The following WDCP variants were observed in gnomAD, a reference collection of about 807,000 sequenced individuals.
WDCP encodes WD repeat and coiled coil containing.
A neutral mutation model predicts 41.6 loss-of-function variants in WDCP; 19 were observed. That is an observed-to-expected ratio of 0.46 (90% CI 0.32 to 0.67). The LOEUF is 0.67. Among genes scored for constraint, WDCP ranks in the 30% least tolerant of loss-of-function variants. The pLI is 0.04. For missense variants in WDCP, 802 were observed against 850.7 expected (o/e 0.94, Z 0.71); for synonymous variants, 302 against 320.8 (o/e 0.94, Z 0.63).
At chr2:24,034,760 A>G (rs562824499) in intron 2 of WDCP, among the ~76,000 whole-genome samples, 1 of 152,066 alleles carries the variant, frequency 6.6e-6, no homozygotes, top group South Asian at 2.1e-4. Flanking sequence ...TTTTCGGTAG[A>G]GACAGGGTTT....
In WDCP at chr2:24,030,784, G is replaced by C. The variant is rs1663076251; in HGVS notation, c.*149C>G. 1.1e-5 allele frequency: 7 copies of C among 635,492 alleles called. No individual in the cohort carries two copies. In the South Asian group the frequency reaches 1.4e-4, roughly 13 times the overall value. 39.4% of individuals were successfully genotyped at this position (635,492 alleles called of 1,614,324 possible). On this transcript the variant is annotated 3_prime_UTR_variant, in exon 4 of 4. Coordinates refer to ENST00000295148, the MANE Select transcript of WDCP (RefSeq NM_025203.3). Reference sequence around the variant, plus strand: ...CTACACAGCAGCGAGCCTCAGCTCAGGGGAAACAGGGGGAAACCAGGAGAG... The same window carrying C: ...CTACACAGCAGCGAGCCTCAGCTCACGGGAAACAGGGGGAAACCAGGAGAG...
At position 24,038,305 on chromosome 2, in the gene WDCP, T is replaced by TG; in HGVS notation, c.1189dup (p.Gln397ProfsTer14). 6.2e-7 allele frequency: 1 copy of TG among 1,614,222 alleles called. No homozygotes were observed. Among genetic ancestry groups the TG allele is most frequent in the Non-Finnish European group, 8.5e-7 (1 of 1,180,044 alleles). ...TTTTCCTACCAAAATTAGTAATAGT[T>TG]GGTCTGTCAAGAAACATATCCCTTT... On this transcript the variant is annotated frameshift_variant, in exon 2 of 4. Coordinates refer to ENST00000295148, the MANE Select transcript of WDCP (RefSeq NM_025203.3). LOFTEE classifies it high-confidence loss of function.
intron 1 of WDCP, among the ~76,000 whole-genome samples, chr2:24,041,173 T>A (rs1663417936): frequency 6.6e-6 from 1 of 151,234 alleles, no homozygotes; most frequent in Non-Finnish European, 1.5e-5. Flanking sequence ...ACCCTGTTTC[T>A]AATAATAATA....
chr2:24,031,687 G>A (rs908967492), intron 3 of WDCP, among the ~76,000 whole-genome samples: 8 of 152,080 alleles, frequency 5.3e-5, no homozygotes, highest in African/African-American at 9.7e-5. Context: ...TTAGCCAGGC[G>A]TGGTGGCATG....
Position 24,030,961 on chromosome 2 carries a change from C to T in WDCP, c.2138G>A (p.Cys713Tyr), listed in dbSNP as rs1257257880. The part of the protein sequence containing the change: ...LAAPSLDTTG[C>Y]CNHVDGMA Reference sequence around the variant, plus strand: ...AGCCATGCCATCTACATGGTTACAACAGCCAGTGGTATCTAAACTGGGGGC... The same window carrying T: ...AGCCATGCCATCTACATGGTTACAATAGCCAGTGGTATCTAAACTGGGGGC... The change falls in exon 4 of 4, where the codon TGT becomes TAT. Residue 713 changes from cysteine to tyrosine, a missense_variant. Coordinates refer to ENST00000295148, the MANE Select transcript of WDCP (RefSeq NM_025203.3). 1.2e-6 allele frequency: 2 copies of T among 1,614,164 alleles called. No individual in the cohort carries two copies. Among genetic ancestry groups the T allele is most frequent in the African/African-American group, 2.7e-5 (2 of 75,052 alleles).
Position 24,041,927 on chromosome 2 carries a change from C to G in WDCP, c.-18-2415G>C, listed in dbSNP as rs113650971. On this transcript the variant is annotated intron_variant, in intron 1 of 3. Transcript: ENST00000295148. ...AGAATAAGGACATTATTTGGATAAG[C>G]TGTAATACCTGAATACTCACTTTGA... is the stretch of plus-strand genomic sequence containing the variant. 1.9e-3 allele frequency among the ~76,000 whole-genome samples: 290 copies of G among 149,790 alleles called. 3 individuals carry two copies. The highest frequency in any genetic ancestry group is 6.7e-3 in the African/African-American group (274 of 40,840).
chr2:24,040,781 C>T (rs1663403200), intron 1 of WDCP, among the ~76,000 whole-genome samples: 1 of 152,228 alleles, frequency 6.6e-6, no homozygotes, highest in African/African-American at 2.4e-5. Context: ...CTTTGGGAGG[C>T]TGAGACGGGA....
At position 24,030,918 on chromosome 2, in the gene WDCP, A is replaced by G. The variant is rs1305065271; in HGVS notation, c.*15T>C. The G allele has an allele frequency of 6.3e-7, 1 of 1,589,118 alleles. No individual in the cohort carries two copies. The highest frequency in any genetic ancestry group is 8.6e-7 in the Non-Finnish European group (1 of 1,157,876). On this transcript the variant is annotated 3_prime_UTR_variant, in exon 4 of 4. Coordinates refer to ENST00000295148, the MANE Select transcript of WDCP (RefSeq NM_025203.3). ...GTCTCATCTGAAGAGCTACACAGCA[A>G]GGACACTGCAGATATCAAGCCATGC...
At chr2:24,046,467 C>A (rs1355566837) in intron 1 of WDCP, among the ~76,000 whole-genome samples, 7 of 152,108 alleles carry the variant, frequency 4.6e-5, no homozygotes, top group Admixed American at 4.6e-4. Context: ...AGGGAAAAGA[C>A]CACTGTATTA....
At chr2:24,039,586 C>CCA in intron 1 of WDCP, 74 bp from the exon 2 acceptor site, 4 of 1,384,336 alleles carry the variant, frequency 2.9e-6, no homozygotes, top group Non-Finnish European at 3.9e-6. Context: ...TTTGGTAAGA[C>CCA]AACGGCTTAG....
At position 24,039,340 on chromosome 2, in the gene WDCP, T is replaced by C; in HGVS notation, c.155A>G (p.Lys52Arg). The C allele has an allele frequency of 1.9e-6, 3 of 1,614,212 alleles. No individual in the cohort carries two copies. Among genetic ancestry groups the C allele is most frequent in the Non-Finnish European group, 2.5e-6 (3 of 1,180,030 alleles). The change falls in exon 2 of 4, where the codon AAA becomes AGA. Residue 52 changes from lysine (K) to arginine (R), a missense_variant. By Grantham distance (26) the Lys-to-Arg change is conservative (BLOSUM62 2). This residue lies in a region of WDCP where 214 missense variants were observed against 252.9 expected (regional missense o/e 0.85). Coordinates refer to ENST00000295148, the MANE Select transcript of WDCP (RefSeq NM_025203.3). ...GACACATTCAAACTGTCCAATGACT[T>C]TGGAGTCCCCAAACTTGACCTCTCC... ...HSGEVKFGDSKVIGQFECVCG... is the reference protein window; with the variant it reads ...HSGEVKFGDSRVIGQFECVCG...
intron 2 of WDCP, chr2:24,033,242 G>A: frequency 5.9e-6 from 3 of 511,714 alleles, no homozygotes; most frequent in South Asian, 3.1e-5. Flanking sequence ...AGCAGCCTGA[G>A]AGACACAATC....
Position 24,039,531 on chromosome 2 carries a change from A to G in WDCP, c.-18-19T>C. On this transcript the variant is annotated intron_variant, in intron 1 of 3. Coordinates refer to ENST00000295148, the MANE Select transcript of WDCP (RefSeq NM_025203.3). ...AGGTTACCTGAAATGATTAAGAAGG[A>G]AAGTTACACCATGAGAAATCTAGAC... The G allele has an allele frequency of 6.3e-7, 1 of 1,593,128 alleles. No individual in the cohort carries two copies. Among genetic ancestry groups the G allele is most frequent in the Non-Finnish European group, 8.6e-7 (1 of 1,166,894 alleles).
At position 24,038,142 on chromosome 2, in the gene WDCP, G is replaced by A. The variant is rs1202236885; in HGVS notation, c.1353C>T (p.Phe451=). 12 of 1,614,086 alleles carry A rather than the reference G, an allele frequency of 7.4e-6. No individual in the cohort carries two copies. The Admixed American group carries it at 8.3e-5, about 11-fold the overall frequency. ...SGESQTTYST[F]SAPLNKANRK... Reference sequence around the variant, plus strand: ...TATTTGCTTTATTTAACGGAGCACTGAAAGTAGAGTAGGTAGTCTGGCTTT... The same window carrying A: ...TATTTGCTTTATTTAACGGAGCACTAAAAGTAGAGTAGGTAGTCTGGCTTT... The change falls in exon 2 of 4, where the codon TTC becomes TTT. Residue 451 remains phenylalanine, a synonymous_variant. Coordinates refer to ENST00000295148, the MANE Select transcript of WDCP (RefSeq NM_025203.3).
rs754095890 is a variant in WDCP at position 24,038,936 on chromosome 2, C to T, written c.559G>A (p.Ala187Thr). The T allele has an allele frequency of 2.4e-5, 39 of 1,614,066 alleles. No individual in the cohort carries two copies. The highest frequency in any genetic ancestry group is 4.5e-5 in the East Asian group (2 of 44,906). ...GAGCACCTGTGAAGAGTCTTCTGAG[C>T]GCTGTCCCAAATATAAGAATGCAGG... Reference protein sequence around the residue: ...SSLHSYIWDSAQKTLHRCSSC... With the variant: ...SSLHSYIWDSTQKTLHRCSSC... Residue 187 changes from alanine (A) to threonine (T), a missense_variant, in exon 2 of 4, where the codon GCT becomes ACT. Physicochemically the swap from Ala to Thr is moderately conservative, Grantham distance 58 (BLOSUM62 0). Transcript: ENST00000295148.
intron 1 of WDCP, among the ~76,000 whole-genome samples, chr2:24,046,719 C>G (rs1663637333): frequency 6.6e-6 from 1 of 152,016 alleles, no homozygotes; most frequent in Non-Finnish European, 1.5e-5. Flanking sequence ...AAACAAAAAT[C>G]ATACACAAGA....
At chr2:24,039,548 A>T in intron 1 of WDCP, 36 bp from the exon 2 acceptor site, 1 of 1,552,840 alleles carries the variant, frequency 6.4e-7, no homozygotes, top group East Asian at 2.3e-5. Flanking sequence ...CACCATGAGA[A>T]ATCTAGACAA....
chr2:24,044,002 T>A (rs1663534174), intron 1 of WDCP, among the ~76,000 whole-genome samples: 1 of 152,202 alleles, frequency 6.6e-6, no homozygotes, highest in Admixed American at 6.5e-5. Context: ...AAAACTGTGA[T>A]CTCTGTCCCA....
At chr2:24,043,033 CAAAA>C (rs138929912) in intron 1 of WDCP, among the ~76,000 whole-genome samples, 1 of 135,106 alleles carries the variant, frequency 7.4e-6, no homozygotes, top group Non-Finnish European at 1.6e-5. Flanking sequence ...AACTCCGTCT[CAAAA>C]AAAAAAAAAA....
Sources: allele counts gnomAD v4.1 joint callset (sites outside exome capture counted in the v4.1 genomes callset), GRCh38; gene constraint gnomAD v4.1.1; regional missense constraint gnomAD v4.1.1; transcripts MANE v1.5; gene names NCBI Gene and HGNC (gene_info 2026-07-23, HGNC 2026-07-21).